The following TMEM163 variants were observed in gnomAD, a reference collection of about 807,000 sequenced individuals.
TMEM163 encodes the protein transmembrane protein 163.
TMEM163 carries 17 observed loss-of-function variants against 29.3 expected under a neutral mutation model. The ratio of observed to expected loss-of-function variants is 0.58; its 90% CI spans 0.40 to 0.87. The LOEUF (loss-of-function observed/expected upper bound fraction) is 0.87. Among genes scored for constraint, TMEM163 ranks in the 40% least tolerant of loss-of-function variants. TMEM163 has a pLI of 0.00. For synonymous variants in TMEM163, 157 were observed against 160.6 expected, an observed-to-expected ratio of 0.98 and a Z score of 0.17; for missense variants, 303 against 381.5, an observed-to-expected ratio of 0.79 and a Z score of 1.71.
intron 2 of TMEM163, among the ~76,000 whole-genome samples, chr2:134,699,929 A>G (rs1490236601): frequency 6.6e-6 from 1 of 151,678 alleles, no homozygotes; most frequent in Non-Finnish European, 1.5e-5. Context: ...AGCTACATCA[A>G]CTTTATCTTG....
chr2:134,639,840 A>G (rs1009587382), intron 2 of TMEM163, among the ~76,000 whole-genome samples: 2 of 152,174 alleles, frequency 1.3e-5, no homozygotes, highest in Non-Finnish European at 2.9e-5. Flanking sequence ...GAAGATTCTA[A>G]TGTTTCTTCT....
At chr2:134,684,247 A>C (rs1165214008) in intron 2 of TMEM163, among the ~76,000 whole-genome samples, 3 of 152,174 alleles carry the variant, frequency 2.0e-5, no homozygotes, top group Non-Finnish European at 2.9e-5. Context: ...AGCACCTTCT[A>C]TCTGCGAGTA....
In TMEM163 at chr2:134,456,662, T is replaced by C; in HGVS notation, c.*54A>G. ...ATGTTCAGTTAAATATTGGCACCCT[T>C]TGCCTATGTGGAAACTCCTCATCTC... On this transcript the variant is annotated 3_prime_UTR_variant, in exon 8 of 8. Transcript: ENST00000281924. The C allele has an allele frequency of 6.3e-7, 1 of 1,594,084 alleles. No individual in the cohort carries two copies. The highest frequency in any genetic ancestry group is 1.3e-5 in the African/African-American group (1 of 74,506).
At chr2:134,675,941 G>A (rs183679028) in intron 2 of TMEM163, among the ~76,000 whole-genome samples, 2 of 152,268 alleles carry the variant, frequency 1.3e-5, no homozygotes, top group East Asian at 3.9e-4. Context: ...GCTTCCTGGT[G>A]GAGGGAATGT....
chr2:134,497,119 A>G (rs1432153946), intron 5 of TMEM163, among the ~76,000 whole-genome samples: 1 of 152,222 alleles, frequency 6.6e-6, no homozygotes, highest in Non-Finnish European at 1.5e-5. Flanking sequence ...GATCGTGTCT[A>G]TTATAGCTGT....
chr2:134,616,469 A>T (rs553273959), intron 2 of TMEM163, among the ~76,000 whole-genome samples: 24 of 152,346 alleles, frequency 1.6e-4, no homozygotes, highest in Admixed American at 1.2e-3. Flanking sequence ...CATTTGCATC[A>T]GTAAATAATG....
At chr2:134,662,673 T>A (rs1343108363) in intron 2 of TMEM163, among the ~76,000 whole-genome samples, 1 of 152,224 alleles carries the variant, frequency 6.6e-6, no homozygotes, top group African/African-American at 2.4e-5. Context: ...GAGGGACTTA[T>A]GCAATTGTTA....
At chr2:134,508,120 C>A (rs1336199427) in intron 4 of TMEM163, among the ~76,000 whole-genome samples, 1 of 152,130 alleles carries the variant, frequency 6.6e-6, no homozygotes, top group Non-Finnish European at 1.5e-5. Context: ...AACTTTGGCC[C>A]CTTGTCATCT....
At chr2:134,706,463 T>G (rs1684814796) in intron 2 of TMEM163, among the ~76,000 whole-genome samples, 1 of 152,000 alleles carries the variant, frequency 6.6e-6, no homozygotes, top group Middle Eastern at 3.4e-3. Flanking sequence ...TGCACATGAG[T>G]GCCGAAAGCA....
At chr2:134,550,532 G>A (rs766785686) in intron 4 of TMEM163, 38 bp downstream of exon 4, 38 of 1,596,190 alleles carry the variant, frequency 2.4e-5, no homozygotes, top group Middle Eastern at 3.3e-4. Context: ...TCATCTGCAC[G>A]GGTTCTTCAG....
chr2:134,479,789 C>A (rs1250393473), intron 5 of TMEM163, among the ~76,000 whole-genome samples: 4 of 152,222 alleles, frequency 2.6e-5, no homozygotes, highest in Middle Eastern at 3.2e-3. Flanking sequence ...GGGCTCCCAA[C>A]CATCCTCCAG....
rs758235232 is a variant in TMEM163, at chr2:134,503,009, A to C, written c.459-12T>G. 6.2e-7 allele frequency: 1 copy of C among 1,609,178 alleles called. No individual in the cohort carries two copies. Among genetic ancestry groups the C allele is most frequent in the East Asian group, 2.2e-5 (1 of 44,772 alleles). On this transcript the variant is annotated splice_polypyrimidine_tract_variant and intron_variant, in intron 4 of 7. Coordinates refer to ENST00000281924, the MANE Select transcript of TMEM163 (RefSeq NM_030923.5). ...AGATGACACAGGCTCTGCAAAAAACAAAACATTGAGAATCTTAACTGGGAG... is the reference window on the plus strand; with the variant it reads ...AGATGACACAGGCTCTGCAAAAAACCAAACATTGAGAATCTTAACTGGGAG...
chr2:134,562,073 T>A (rs551327067), intron 2 of TMEM163, among the ~76,000 whole-genome samples: 135 of 152,370 alleles, frequency 8.9e-4, no homozygotes, highest in African/African-American at 3.0e-3. Context: ...TCTTCTATGT[T>A]AAATACCTGT....
intron 1 of TMEM163, among the ~76,000 whole-genome samples, chr2:134,716,982 C>A (rs72972276): frequency 6.6e-6 from 1 of 152,062 alleles, no homozygotes; most frequent in African/African-American, 2.4e-5. Context: ...TGACAGTTTA[C>A]GAACAGTCAA....
At chr2:134,709,173 C>T (rs2104898271) in intron 2 of TMEM163, among the ~76,000 whole-genome samples, 1 of 152,288 alleles carries the variant, frequency 6.6e-6, no homozygotes, top group South Asian at 2.1e-4. Flanking sequence ...ATTATTAAAA[C>T]AGACTTTTTT....
At chr2:134,516,165 T>C (rs1361225469) in intron 4 of TMEM163, among the ~76,000 whole-genome samples, 1 of 152,016 alleles carries the variant, frequency 6.6e-6, no homozygotes, top group African/African-American at 2.4e-5. Flanking sequence ...ATGGGAATGA[T>C]AAAAAGACCA....
intron 4 of TMEM163, among the ~76,000 whole-genome samples, chr2:134,544,605 C>T (rs577198411): frequency 2.1e-4 from 32 of 152,206 alleles, no homozygotes; most frequent in African/African-American, 7.5e-4. Context: ...ACCAGCCTGG[C>T]CAACATGGTG....
At chr2:134,489,434 C>T (rs1679381091) in intron 5 of TMEM163, among the ~76,000 whole-genome samples, 1 of 151,926 alleles carries the variant, frequency 6.6e-6, no homozygotes, top group South Asian at 2.1e-4. Flanking sequence ...CAAAATTAGC[C>T]AGGTGCAGTG....
chr2:134,459,248 A>T (rs915719910), intron 6 of TMEM163: 1 of 152,260 alleles, frequency 6.6e-6, no homozygotes, highest in African/African-American at 2.4e-5. Context: ...CAGGGATGCA[A>T]TGGCCGCTCA....
Sources: allele counts gnomAD v4.1 joint callset (sites outside exome capture counted in the v4.1 genomes callset), GRCh38; gene constraint gnomAD v4.1.1; transcripts MANE v1.5; gene names NCBI Gene and HGNC (gene_info 2026-07-23, HGNC 2026-07-21).